Variants in LAMA1 observed in about 807,000 individuals in gnomAD.
The protein encoded by LAMA1 is laminin subunit alpha 1.
A neutral mutation model predicts 348.7 loss-of-function variants in LAMA1; 219 were observed. The observed-to-expected ratio is 0.63, with a 90% confidence interval of 0.56 to 0.70. The LOEUF is 0.70. Ranked by LOEUF, LAMA1 falls within the 30% of genes least tolerant of loss-of-function variation. The probability of loss-of-function intolerance (pLI) is 0.00; values close to 1 mark genes in which losing one functional copy is unlikely to be tolerated. For synonymous variants in LAMA1, 1,487 were observed against 1,491.0 expected (o/e 1.00, Z 0.06); for missense variants, 3,744 against 3,888.0 (o/e 0.96, Z 0.99).
intron 29 of LAMA1, among the ~76,000 whole-genome samples, chr18:7,003,150 TG>T (rs1298767045): frequency 6.6e-6 from 1 of 152,122 alleles, no homozygotes; most frequent in Non-Finnish European, 1.5e-5. Flanking sequence ...CCTAAGTAGC[TG>T]GGACGACATG....
chr18:7,004,141 A>C (rs947802509), intron 29 of LAMA1, among the ~76,000 whole-genome samples: 1 of 152,206 alleles, frequency 6.6e-6, no homozygotes, highest in Non-Finnish European at 1.5e-5. Context: ...TGGCAGGGAA[A>C]CAAGGACCCC....
At chr18:7,082,976 T>C (rs912713402) in intron 1 of LAMA1, among the ~76,000 whole-genome samples, 4 of 149,046 alleles carry the variant, frequency 2.7e-5, no homozygotes, top group African/African-American at 5.2e-5. Flanking sequence ...TCTTGTGTTA[T>C]TGAGGAGGGG....
intron 10 of LAMA1, among the ~76,000 whole-genome samples, chr18:7,039,291 GA>G (rs2058010277): frequency 6.6e-6 from 1 of 152,112 alleles, no homozygotes; most frequent in African/African-American, 2.4e-5. Context: ...AAATGCTCAA[GA>G]TTATTTCCAG....
chr18:6,959,370 C>T lies in LAMA1; in HGVS notation c.7749G>A (p.Ala2583=), dbSNP rs761477714. The T allele has an allele frequency of 1.9e-5, 30 of 1,613,998 alleles. No homozygotes were observed. Among genetic ancestry groups the T allele is most frequent in the African/African-American group, 6.7e-5 (5 of 74,904 alleles). The change falls in exon 54 of 63, where the codon GCG becomes GCA. Residue 2583 remains alanine (A), a synonymous_variant. Transcript: ENST00000389658. The stretch of plus-strand genomic sequence containing the variant: ...GATTCCTGACCAAGGAGATGGAATG[C>T]GCTTGTCCATCACTGCAGGTACCCG... ...APTGTCSDGQ[A]HSISLVRNRR...
chr18:6,982,718 G>A (rs1039038657), intron 40 of LAMA1, 128 bp from the exon 41 acceptor site: 3 of 809,350 alleles, frequency 3.7e-6, no homozygotes, highest in Non-Finnish European at 6.5e-6. Context: ...CCAGGTACCA[G>A]GTAGGGACAA....
At chr18:6,969,596 A>G (rs555823758) in intron 48 of LAMA1, among the ~76,000 whole-genome samples, 14 of 152,316 alleles carry the variant, frequency 9.2e-5, no homozygotes, top group South Asian at 6.2e-4. Flanking sequence ...TGGCCAATAT[A>G]ACAGTGGATT....
intron 58 of LAMA1, among the ~76,000 whole-genome samples, chr18:6,950,311 T>G (rs1287571090): frequency 6.6e-6 from 1 of 152,248 alleles, no homozygotes; most frequent in Non-Finnish European, 1.5e-5. Flanking sequence ...GCAAGTTGCC[T>G]ATGCAATAAT....
intron 57 of LAMA1, chr18:6,954,680 T>A (rs946108490): frequency 5.0e-5 from 8 of 160,830 alleles, no homozygotes; most frequent in African/African-American, 1.9e-4. Flanking sequence ...AGCTGTTGAA[T>A]TCACAGAGAG....
rs201075772 is a variant in LAMA1, at chr18:6,986,393, G to A, written c.5169-46C>T. The A allele has an allele frequency of 5.3e-5, 84 of 1,571,740 alleles. No individual in the cohort carries two copies. In the African/African-American group the frequency reaches 9.2e-4, roughly 17 times the overall value. On this transcript the variant is annotated intron_variant, in intron 36 of 62. Transcript: ENST00000389658. ...ACATAGTAAGTAAATGAACAACAAA[G>A]CTCCTATCTCTGAAATAATAGTGGA...
intron 16 of LAMA1, 25 bp from the exon 17 acceptor site, chr18:7,026,131 A>T: frequency 6.2e-7 from 1 of 1,608,442 alleles, no homozygotes; most frequent in Non-Finnish European, 8.5e-7. Flanking sequence ...CAGAAGAATC[A>T]GCTCAGGTTG....
In LAMA1 at chr18:6,958,221, G is replaced by A. The variant is rs75636304; in HGVS notation, c.7964+256C>T. Among the ~76,000 whole-genome samples the A allele has an allele frequency of 8.3e-3, 1,259 of 152,054 alleles. 22 individuals carry two copies. Among genetic ancestry groups the A allele is most frequent in the African/African-American group, 0.028 (1,161 of 41,456 alleles). Reference sequence around the variant, plus strand: ...CATGTCAAAAATATATTAAAATCCCGGCTCTTTATGGACAGCCACAGAGAG... The same window carrying A: ...CATGTCAAAAATATATTAAAATCCCAGCTCTTTATGGACAGCCACAGAGAG... On this transcript the variant is annotated intron_variant, in intron 55 of 62. Coordinates refer to ENST00000389658, the MANE Select transcript of LAMA1 (RefSeq NM_005559.4).
chr18:7,090,087 G>A (rs959296687), intron 1 of LAMA1, among the ~76,000 whole-genome samples: 5 of 152,114 alleles, frequency 3.3e-5, no homozygotes, highest in African/African-American at 9.7e-5. Context: ...CCTTATTCCC[G>A]GATCCTCTCC....
Position 6,956,742 on chromosome 18 carries a change from A to T in LAMA1, c.7988T>A (p.Val2663Asp). The T allele has an allele frequency of 1.2e-6, 2 of 1,614,230 alleles. No individual in the cohort carries two copies. Among genetic ancestry groups the T allele is most frequent in the Non-Finnish European group, 1.7e-6 (2 of 1,180,052 alleles). ...GTCCAGGTCGACTTGCTCATGGCCA[A>T]CTGCACTGTTGAAATCCAAAAGTCT... The part of the protein sequence containing the change: ...NLELLDFNSA[V>D]GHEQVDLDTC... The change falls in exon 56 of 63, where the codon GTT becomes GAT. Residue 2663 changes from valine (V) to aspartate (D), a missense_variant. Transcript: ENST00000389658.
intron 10 of LAMA1, among the ~76,000 whole-genome samples, chr18:7,039,222 T>G (rs1439383662): frequency 6.6e-6 from 1 of 152,232 alleles, no homozygotes; most frequent in Non-Finnish European, 1.5e-5. Flanking sequence ...TTCATTTTTT[T>G]ACTGATCTTT....
chr18:7,080,056 G>A lies in LAMA1; in HGVS notation c.264C>T (p.Gly88=). 6.2e-7 allele frequency: 1 copy of A among 1,613,916 alleles called. No individual in the cohort carries two copies. Among genetic ancestry groups the A allele is most frequent in the Non-Finnish European group, 8.5e-7 (1 of 1,179,794 alleles). ...ERHPISHAID[G]TNNWWQSPSI... is the part of the protein sequence containing the mutation. ...TGGGACTTTGCCACCAGTTATTGGTGCCATCTATGGCATGTGATATTGGAT... is the reference window on the plus strand; with the variant it reads ...TGGGACTTTGCCACCAGTTATTGGTACCATCTATGGCATGTGATATTGGAT... The change falls in exon 3 of 63, where the codon GGC becomes GGT. Residue 88 remains glycine, a synonymous_variant. Transcript: ENST00000389658.
At chr18:7,085,141 G>A (rs2058209406) in intron 1 of LAMA1, among the ~76,000 whole-genome samples, 1 of 152,020 alleles carries the variant, frequency 6.6e-6, no homozygotes, top group Non-Finnish European at 1.5e-5. Context: ...TTAGCTACAG[G>A]ATCTGAGGCA....
chr18:6,954,475 G>T, intron 57 of LAMA1: 1 of 152,840 alleles, frequency 6.5e-6, no homozygotes. Context: ...AGAAACTGCA[G>T]GAGTGGGGAG....
At chr18:7,096,564 A>G (rs1428028610) in intron 1 of LAMA1, among the ~76,000 whole-genome samples, 2 of 151,890 alleles carry the variant, frequency 1.3e-5, no homozygotes, top group African/African-American at 2.4e-5. Flanking sequence ...CTGAAGTGGG[A>G]AGATCTCTTG....
At chr18:6,988,573 G>A (rs1209840933) in intron 36 of LAMA1, among the ~76,000 whole-genome samples, 2 of 152,180 alleles carry the variant, frequency 1.3e-5, no homozygotes, top group Admixed American at 1.3e-4. Flanking sequence ...GCCAAGGCGG[G>A]CAGATCACCT....
Sources: allele counts gnomAD v4.1 joint callset (sites outside exome capture counted in the v4.1 genomes callset), GRCh38; gene constraint gnomAD v4.1.1; transcripts MANE v1.5; gene names NCBI Gene and HGNC (gene_info 2026-07-23, HGNC 2026-07-21).